The following CFAP65 variants were observed in gnomAD, a reference collection of about 807,000 sequenced individuals.
CFAP65 encodes cilia and flagella associated protein 65, also known as cilia- and flagella-associated protein 65.
A neutral mutation model predicts 208.0 loss-of-function variants in CFAP65; 155 were observed. That is an observed-to-expected ratio of 0.75 (90% CI 0.65 to 0.85). The LOEUF (loss-of-function observed/expected upper bound fraction) is 0.85. Ranked by LOEUF, CFAP65 falls within the 40% of genes least tolerant of loss-of-function variation. The pLI, the probability that CFAP65 is intolerant of heterozygous loss-of-function variation, is 0.00. For missense variants in CFAP65, 2,294 were observed against 2,451.3 expected, an observed-to-expected ratio of 0.94 and a Z score of 1.36; for synonymous variants, 970 against 986.3, an observed-to-expected ratio of 0.98 and a Z score of 0.31.
intron 1 of CFAP65, 69 bp from the exon 2 acceptor site, chr2:219,040,633 A>C: frequency 6.4e-7 from 1 of 1,551,872 alleles, no homozygotes; most frequent in Non-Finnish European, 8.7e-7. Context: ...GTCCTGACTC[A>C]TTAATGCCTC....
At chr2:219,020,998 TG>T (rs1947229544) in intron 19 of CFAP65, among the ~76,000 whole-genome samples, 153 bp downstream of exon 19, 1 of 152,184 alleles carries the variant, frequency 6.6e-6, no homozygotes, top group South Asian at 2.1e-4. Flanking sequence ...GTCTGGTGTG[TG>T]GCATTTATGC....
chr2:219,027,827 G>A lies in CFAP65; in HGVS notation c.2034C>T (p.Asn678=). 1 of 1,605,310 alleles carries A rather than the reference G, an allele frequency of 6.2e-7. No homozygotes were observed. The highest frequency in any genetic ancestry group is 8.5e-7 in the Non-Finnish European group (1 of 1,174,346). ...APNPVPLCLM[N]HTKGKIMVVW... ...CCACCATGATCTTGCCCTTGGTGTG[G>A]TTCATCAGGCACAGGGGTACAGGGT... Residue 678 remains asparagine, a synonymous_variant, in exon 13 of 35, where the codon AAC becomes AAT. Coordinates refer to ENST00000341552, the MANE Select transcript of CFAP65 (RefSeq NM_194302.4).
Position 219,004,163 on chromosome 2 carries a change from C to G in CFAP65, c.5344G>C (p.Glu1782Gln). 1 of 1,613,934 alleles carries G rather than the reference C, an allele frequency of 6.2e-7. No individual in the cohort carries two copies. Among genetic ancestry groups the G allele is most frequent in the Non-Finnish European group, 8.5e-7 (1 of 1,180,018 alleles). Residue 1782 changes from glutamate to glutamine, a missense_variant, in exon 33 of 35, where the codon GAA becomes CAA. Glu to Gln is a conservative substitution (Grantham distance 29). Around this residue, in one of 2 missense-constraint regions of CFAP65, gnomAD observed 1,427 missense variants for 1,438.7 expected, o/e 0.99. Transcript: ENST00000341552. This position sits in a 1 kb window ranked among gnomAD's most constrained non-coding sequence, Gnocchi z 4.7. ...EEELEEEEEE[E>Q]EETEEEELGK... ...AACTCCTCCTCTTCTGTCTCCTCTT[C>G]TTCCTCCTCTTCCTCCTCCAACTCT... is the stretch of plus-strand genomic sequence containing the variant.
chr2:219,021,687 A>C (rs1947271433), intron 18 of CFAP65, 93 bp downstream of exon 18: 2 of 1,385,380 alleles, frequency 1.4e-6, no homozygotes, highest in Admixed American at 2.0e-5. Context: ...CTGGGACTAC[A>C]GGCGCGTGCC....
At chr2:219,025,293 T>C (rs6727028) in intron 14 of CFAP65, among the ~76,000 whole-genome samples, 9,316 of 152,230 alleles carry the variant, frequency 0.061, 931 homozygotes, top group African/African-American at 0.21. Context: ...CAGCTGCCTC[T>C]AAGCTGAATC....
At chr2:219,017,061 C>T (rs1946940432) in intron 21 of CFAP65, among the ~76,000 whole-genome samples, 1 of 152,218 alleles carries the variant, frequency 6.6e-6, no homozygotes, top group African/African-American at 2.4e-5. Flanking sequence ...ACCTCCTTCA[C>T]AGCACATATG....
Position 219,026,093 on chromosome 2 carries a change from G to C in CFAP65, c.2278C>G (p.Arg760Gly), listed in dbSNP as rs141456868. The C allele has an allele frequency of 1.6e-5, 26 of 1,614,054 alleles. No homozygotes were observed. Among genetic ancestry groups the C allele is most frequent in the East Asian group, 2.2e-5 (1 of 44,880 alleles). ...GCGAAATAGCTGTGGCCTCGTGCCCGCACCGTCAGGCACCAGGATGGGCAC... is the reference window on the plus strand; with the variant it reads ...GCGAAATAGCTGTGGCCTCGTGCCCCCACCGTCAGGCACCAGGATGGGCAC... The part of the protein sequence containing the change: ...TMCPSWCLTV[R>G]ARGHSYFAGF... The change falls in exon 14 of 35, where the codon CGG becomes GGG. Residue 760 changes from arginine (R) to glycine (G), a missense_variant. Physicochemically the swap from Arg to Gly is moderately radical, Grantham distance 125. This residue lies in a region of CFAP65 where 867 missense variants were observed against 1,012.6 expected (regional missense o/e 0.86). Transcript: ENST00000341552.
At position 219,032,709 on chromosome 2, in the gene CFAP65, C is replaced by T. The variant is rs191668851; in HGVS notation, c.543-137G>A. 17 of 681,966 alleles carry T rather than the reference C, an allele frequency of 2.5e-5. No homozygotes were observed. Among genetic ancestry groups the T allele is most frequent in the East Asian group, 2.0e-4 (7 of 35,770 alleles). 42.2% of individuals were successfully genotyped at this position (681,966 alleles called of 1,614,324 possible). On this transcript the variant is annotated intron_variant, in intron 5 of 34. Coordinates refer to ENST00000341552, the MANE Select transcript of CFAP65 (RefSeq NM_194302.4). This position sits in a 1 kb window ranked among gnomAD's most constrained non-coding sequence, Gnocchi z 5.5. ...AGAGAAAGCGATCAGGAGATGAGCA[C>T]GTGGAGATGGAAACTCAGGGGTTTG...
intron 12 of CFAP65, 89 bp from the exon 13 acceptor site, chr2:219,028,098 C>T: frequency 6.4e-7 from 1 of 1,552,436 alleles, no homozygotes; most frequent in African/African-American, 1.4e-5. Flanking sequence ...AGAAAGGCTA[C>T]ACCAGTCGCC....
In CFAP65 at chr2:219,006,447, T is replaced by A. The variant is rs201714475; in HGVS notation, c.4719+18A>T. Reference sequence around the variant, plus strand: ...CCAAGTTGTCCCAAGAAGATGGGCCTGGGGCTCGCCGCCTCACCTTGTACT... The same window carrying A: ...CCAAGTTGTCCCAAGAAGATGGGCCAGGGGCTCGCCGCCTCACCTTGTACT... On this transcript the variant is annotated intron_variant, in intron 30 of 34. Coordinates refer to ENST00000341552, the MANE Select transcript of CFAP65 (RefSeq NM_194302.4). 256 of 1,613,560 alleles carry A rather than the reference T, an allele frequency of 1.6e-4. No individual in the cohort carries two copies. Among genetic ancestry groups the A allele is most frequent in the Non-Finnish European group, 2.0e-4 (236 of 1,179,874 alleles).
In CFAP65 at chr2:219,031,021, AT is replaced by A; in HGVS notation, c.1015+84del. On this transcript the variant is annotated intron_variant, in intron 8 of 34. Transcript: ENST00000341552. This position sits in a 1 kb window ranked among gnomAD's most constrained non-coding sequence, Gnocchi z 5.2. Reference sequence around the variant, plus strand: ...CCGGTGGAGGCGGGGGCCAGGCCAGATGGGAGGTGGGGGACACTGAGGCCTG... The same window carrying A: ...CCGGTGGAGGCGGGGGCCAGGCCAGAGGGAGGTGGGGGACACTGAGGCCTG... 6.8e-7 allele frequency: 1 copy of A among 1,471,652 alleles called. No individual in the cohort carries two copies. The highest frequency in any genetic ancestry group is 9.2e-7 in the Non-Finnish European group (1 of 1,089,014). 91.2% of individuals were successfully genotyped at this position (1,471,652 alleles called of 1,614,324 possible).
intron 18 of CFAP65, 69 bp downstream of exon 18, chr2:219,021,711 G>C: frequency 6.4e-7 from 1 of 1,555,388 alleles, no homozygotes; most frequent in Non-Finnish European, 8.8e-7. Flanking sequence ...GTGCCCAGCA[G>C]GTTAACCGGT....
In CFAP65 at chr2:219,006,508, T is replaced by G; in HGVS notation, c.4676A>C (p.Lys1559Thr). 1.2e-6 allele frequency: 2 copies of G among 1,613,486 alleles called. No individual in the cohort carries two copies. The highest frequency in any genetic ancestry group is 1.7e-5 in the Admixed American group (1 of 60,012). Residue 1559 changes from lysine (K) to threonine (T), a missense_variant and splice_region_variant, in exon 30 of 35, where the codon AAG (lysine) becomes ACG (threonine). Transcript: ENST00000341552. ...EFTITDMKVK[K>T]RTCCTACEPA... ...TTCACAGGCTGTGCAGCATGTTCTCTTCTGTGGAAAAAGAGAGATCCTTGC... is the reference window on the plus strand; with the variant it reads ...TTCACAGGCTGTGCAGCATGTTCTCGTCTGTGGAAAAAGAGAGATCCTTGC...
chr2:219,028,131 G>A (rs1947771931), intron 12 of CFAP65, 70 bp downstream of exon 12: 2 of 1,577,610 alleles, frequency 1.3e-6, no homozygotes, highest in East Asian at 4.5e-5. Context: ...GGTGCCCATG[G>A]GACCCTGGGG....
chr2:219,020,713 C>T (rs1947212300), intron 19 of CFAP65, among the ~76,000 whole-genome samples: 1 of 152,170 alleles, frequency 6.6e-6, no homozygotes, highest in Non-Finnish European at 1.5e-5. Flanking sequence ...GGAAACTGAG[C>T]ACAGGGAGGT....
At chr2:219,036,364 G>A (rs1383597942) in intron 4 of CFAP65, among the ~76,000 whole-genome samples, 1 of 152,044 alleles carries the variant, frequency 6.6e-6, no homozygotes, top group Non-Finnish European at 1.5e-5. Context: ...CCCTGGGGCA[G>A]TAAGGTGGAG....
At chr2:219,007,972 T>C (rs1946143284) in intron 29 of CFAP65, among the ~76,000 whole-genome samples, 2 of 151,880 alleles carry the variant, frequency 1.3e-5, no homozygotes, top group Non-Finnish European at 2.9e-5. Context: ...GAACCCGCCA[T>C]CATGGCCGGC....
At chr2:219,011,270 C>CTTTTTTTTTTTTT (rs528817484) in intron 24 of CFAP65, among the ~76,000 whole-genome samples, 2 of 107,110 alleles carry the variant, frequency 1.9e-5, no homozygotes. Context: ...CTTTTTCTTT[C>CTTTTTTTTTTTTT]TTTTTTTTTT....
intron 15 of CFAP65, 55 bp downstream of exon 15, chr2:219,023,960 G>A: frequency 1.3e-6 from 2 of 1,575,078 alleles, no homozygotes; most frequent in Non-Finnish European, 1.7e-6. Flanking sequence ...GAAAAGGGTG[G>A]TTCAAGATTA....
Sources: allele counts gnomAD v4.1 joint callset (sites outside exome capture counted in the v4.1 genomes callset), GRCh38; gene constraint gnomAD v4.1.1; regional missense constraint gnomAD v4.1.1; non-coding constraint Gnocchi (gnomAD v3.1); transcripts MANE v1.5; gene names NCBI Gene and HGNC (gene_info 2026-07-23, HGNC 2026-07-21).